FAM178B: variants seen among roughly 807,000 people sequenced by gnomAD.
FAM178B encodes protein FAM178B.
Under a neutral mutation model 91.7 loss-of-function variants are expected in FAM178B, and 82 were observed. The observed-to-expected ratio is 0.89, with a 90% CI of 0.75 to 1.07. The LOEUF is 1.07. Ranked by LOEUF, FAM178B falls within the 50% of genes least tolerant of loss-of-function variation. The pLI is 0.00. For missense variants in FAM178B, 769 were observed against 846.7 expected, an observed-to-expected ratio of 0.91 and a Z score of 1.14; for synonymous variants, 368 against 359.4, an observed-to-expected ratio of 1.02 and a Z score of -0.27.
intron 5 of FAM178B, among the ~76,000 whole-genome samples, chr2:96,966,568 A>G (rs1036746043): frequency 1.3e-5 from 2 of 152,182 alleles, no homozygotes; most frequent in Non-Finnish European, 2.9e-5. Flanking sequence ...AGCCTCGCAC[A>G]TAGTTGGCAC....
intron 1 of FAM178B, among the ~76,000 whole-genome samples, chr2:96,980,765 G>A (rs1190728905): frequency 6.6e-6 from 1 of 152,026 alleles, no homozygotes; most frequent in Non-Finnish European, 1.5e-5. Context: ...TTCATATGGA[G>A]TCCTGACCTA....
chr2:96,981,059 G>A (rs1298892980), intron 1 of FAM178B, among the ~76,000 whole-genome samples: 3 of 151,916 alleles, frequency 2.0e-5, no homozygotes, highest in Admixed American at 6.6e-5. Context: ...GCAACCTCCC[G>A]GGTCCAAGTG....
At chr2:96,910,112 T>A (rs2081125938) in intron 12 of FAM178B, among the ~76,000 whole-genome samples, 1 of 152,206 alleles carries the variant, frequency 6.6e-6, no homozygotes, top group Non-Finnish European at 1.5e-5. Flanking sequence ...TGTGGAAAAG[T>A]GAGGCTTGCC....
In FAM178B at chr2:96,921,576, G is replaced by A. The variant is rs1364570518; in HGVS notation, c.1366C>T (p.Arg456Cys). The stretch of plus-strand genomic sequence containing the variant: ...CGGAGCCCCACGTCCAGGCTGGTGC[G>A]GCACAGCAGCTCAATCAGTCCCATG... Reference protein sequence around the residue: ...NLMGLIELLCRTSLDVGLRLL... With the variant: ...NLMGLIELLCCTSLDVGLRLL... Residue 456 changes from arginine to cysteine, a missense_variant, in exon 11 of 17, where the codon CGC becomes TGC. Physicochemically the swap from Arg to Cys is radical, Grantham distance 180. Transcript: ENST00000490605. 18 of 1,551,682 alleles carry A rather than the reference G, an allele frequency of 1.2e-5. No homozygotes were observed. Among genetic ancestry groups the A allele is most frequent in the Admixed American group, 3.9e-5 (2 of 51,000 alleles).
At chr2:96,907,839 G>A (rs1406468369) in intron 12 of FAM178B, among the ~76,000 whole-genome samples, 1 of 152,230 alleles carries the variant, frequency 6.6e-6, no homozygotes, top group Non-Finnish European at 1.5e-5. Flanking sequence ...CTCCCTGGGA[G>A]GAGAACTGGG....
At chr2:96,977,847 T>G (rs2082311644) in intron 1 of FAM178B, 1 of 456,042 alleles carries the variant, frequency 2.2e-6, no homozygotes, top group African/African-American at 2.0e-5. Flanking sequence ...CGTTGACGGT[T>G]TTTGCTGTTC....
In FAM178B at chr2:96,905,842, ATATATATATATATATATATTTTTTTTTT is replaced by A. The variant is rs1465573038; in HGVS notation, c.1563-3163_1563-3136del. Among the ~76,000 whole-genome samples, 101 of 28,002 alleles carry A rather than the reference ATATATATATATATATATATTTTTTTTTT, an allele frequency of 3.6e-3. 4 individuals are homozygous for A. Among genetic ancestry groups the A allele is most frequent in the African/African-American group, 0.011 (100 of 9,172 alleles). The allele number at this position is 28,002 out of a possible 152,430, so 18.4% of individuals were successfully genotyped here. On this transcript the variant is annotated intron_variant, in intron 12 of 16. Coordinates refer to ENST00000490605, the MANE Select transcript of FAM178B (RefSeq NM_001122646.3). ...TGTATATATATATATATATATATAT[ATATATATATATATATATATTTTTTTTTT>A]TTTTTTTTTTTTTTTTTTGAGATGG... is the stretch of plus-strand genomic sequence containing the variant.
At chr2:96,897,086 C>G (rs1466442789) in intron 13 of FAM178B, among the ~76,000 whole-genome samples, 1 of 152,154 alleles carries the variant, frequency 6.6e-6, no homozygotes, top group Admixed American at 6.5e-5. Flanking sequence ...AGGCTGGTCT[C>G]GAACTCCTGA....
intron 14 of FAM178B, among the ~76,000 whole-genome samples, chr2:96,880,887 C>A (rs904896752): frequency 6.6e-6 from 1 of 152,192 alleles, no homozygotes; most frequent in Non-Finnish European, 1.5e-5. Flanking sequence ...AGCCACCGCG[C>A]CCGGCTAAAA....
Position 96,921,474 on chromosome 2 carries a change from GTACC to G in FAM178B, c.1464_1464+3del. 3 of 1,551,700 alleles carry G rather than the reference GTACC, an allele frequency of 1.9e-6. No homozygotes were observed. The highest frequency in any genetic ancestry group is 2.6e-6 in the Non-Finnish European group (3 of 1,147,000). On this transcript the variant is annotated splice_donor_variant and splice_donor_region_variant and coding_sequence_variant and intron_variant, in exon 11 of 17. Transcript: ENST00000490605. LOFTEE classifies it high-confidence loss of function. ...ATGAGGACCAGGCTCTGGGCGTCTA[GTACC>G]TTCCCTGGCCACTCCCGGATGTTCT...
Position 96,986,273 on chromosome 2 carries a change from A to G in FAM178B, c.41T>C (p.Leu14Pro). 1 of 1,534,298 alleles carries G rather than the reference A, an allele frequency of 6.5e-7. No individual in the cohort carries two copies. Residue 14 changes from leucine (L) to proline (P), a missense_variant, in exon 1 of 17, where the codon CTC becomes CCC. Transcript: ENST00000490605. Reference sequence around the variant, plus strand: ...ATGGAGCCGCTGATCCTGCCTCCTGAGTTGTGGAGCGAGGCCCGCACCTGG... The same window carrying G: ...ATGGAGCCGCTGATCCTGCCTCCTGGGTTGTGGAGCGAGGCCCGCACCTGG... ...RLPGAGLAPQ[L>P]RRQDQRLHFT...
At chr2:96,966,326 C>T (rs1276648503) in intron 5 of FAM178B, among the ~76,000 whole-genome samples, 2 of 152,096 alleles carry the variant, frequency 1.3e-5, no homozygotes, top group African/African-American at 4.8e-5. Context: ...AGAGCCCACA[C>T]CCTTCATCAT....
chr2:96,893,830 C>A, intron 14 of FAM178B, 96 bp downstream of exon 14: 2 of 1,436,600 alleles, frequency 1.4e-6, no homozygotes, highest in South Asian at 1.3e-5. Context: ...TCTGGAAGGA[C>A]CCGCAGGCCA....
At chr2:96,952,223 G>A (rs191361144) in intron 6 of FAM178B, among the ~76,000 whole-genome samples, 5 of 152,292 alleles carry the variant, frequency 3.3e-5, no homozygotes, top group South Asian at 2.1e-4. Flanking sequence ...TACACAGGGC[G>A]TTTCTGCTCT....
chr2:96,974,393 A>AG (rs2082262823), intron 1 of FAM178B, among the ~76,000 whole-genome samples: 1 of 150,646 alleles, frequency 6.6e-6, no homozygotes, highest in African/African-American at 2.4e-5. Flanking sequence ...AAAAAAAAAA[A>AG]AAAAAAAAAA....
intron 5 of FAM178B, among the ~76,000 whole-genome samples, 180 bp from the exon 6 acceptor site, chr2:96,960,620 A>T (rs2082066347): frequency 6.6e-6 from 1 of 152,176 alleles, no homozygotes; most frequent in Non-Finnish European, 1.5e-5. Context: ...GGCACGCAGG[A>T]GCCCTTCAGT....
intron 8 of FAM178B, among the ~76,000 whole-genome samples, chr2:96,942,856 C>G (rs1452920860): frequency 1.3e-5 from 2 of 152,108 alleles, no homozygotes; most frequent in Non-Finnish European, 2.9e-5. Context: ...CATTTATGGT[C>G]AAATGATTTT....
At chr2:96,894,247 A>G (rs528275707) in intron 13 of FAM178B, among the ~76,000 whole-genome samples, 196 bp from the exon 14 acceptor site, 141 of 151,842 alleles carry the variant, frequency 9.3e-4, no homozygotes, top group African/African-American at 3.4e-3. Flanking sequence ...TGGATCACAC[A>G]TACTTCCCAG....
intron 1 of FAM178B, among the ~76,000 whole-genome samples, chr2:96,978,601 T>C (rs1386509232): frequency 6.6e-6 from 1 of 151,388 alleles, no homozygotes; most frequent in African/African-American, 2.4e-5. Context: ...AGCTCCATCC[T>C]TGTTGCTACA....
Sources: allele counts gnomAD v4.1 joint callset (sites outside exome capture counted in the v4.1 genomes callset), GRCh38; gene constraint gnomAD v4.1.1; transcripts MANE v1.5; gene names NCBI Gene and HGNC (gene_info 2026-07-23, HGNC 2026-07-21).